The following CYP11B1 variants were observed in gnomAD, a reference collection of about 807,000 sequenced individuals.
The protein encoded by CYP11B1 is cytochrome P450 family 11 subfamily B member 1, also known as cytochrome P450 11B1, mitochondrial.
In CYP11B1, 34 loss-of-function variants were observed where a neutral mutation model predicts 48.3. That is an observed-to-expected ratio of 0.70 (90% CI 0.54 to 0.94). CYP11B1 has a LOEUF of 0.94. CYP11B1 is among the 40% of genes least tolerant of loss of function. CYP11B1 has a pLI of 0.00. For synonymous variants in CYP11B1, 291 were observed against 262.5 expected, an observed-to-expected ratio of 1.11 and a Z score of -1.05; for missense variants, 688 against 657.4, an observed-to-expected ratio of 1.05 and a Z score of -0.51.
Position 142,875,801 on chromosome 8 carries a change from G to A in CYP11B1, c.1032C>T (p.Ser344=), listed in dbSNP as rs2130270414. ...PNVQQALRQE[S]LAAAASISEH... ...CACTGATGCTGGCTGCGGCGGCCAGGCTCTCCTGGCGCAGGGCCTGCTGCA... is the reference window on the plus strand; with the variant it reads ...CACTGATGCTGGCTGCGGCGGCCAGACTCTCCTGGCGCAGGGCCTGCTGCA... The change falls in exon 6 of 9, where the codon AGC becomes AGT. Residue 344 remains serine, a synonymous_variant. Transcript: ENST00000292427. 2 of 1,614,062 alleles carry A rather than the reference G, an allele frequency of 1.2e-6. No homozygotes were observed. Among genetic ancestry groups the A allele is most frequent in the Non-Finnish European group, 1.7e-6 (2 of 1,180,002 alleles).
chr8:142,874,534 A>T (rs760503250), intron 8 of CYP11B1, 48 bp from the exon 9 acceptor site: 2 of 1,301,358 alleles, frequency 1.5e-6, no homozygotes, highest in Non-Finnish European at 2.2e-6. Flanking sequence ...CAGCCCATGC[A>T]CGTGGTGCAG....
rs75079139 is a variant in CYP11B1 at position 142,877,916 on chromosome 8, T to A, written c.396-694A>T. On this transcript the variant is annotated intron_variant, in intron 2 of 8. Coordinates refer to ENST00000292427, the MANE Select transcript of CYP11B1 (RefSeq NM_000497.4). ...GATGGCAGGCAGAAGATGCACATGC[T>A]CACATGCGCCCATGCAAGACCTCAA... 1,181 of 1,162,378 alleles carry A rather than the reference T, an allele frequency of 1.0e-3. 23 individuals carry two copies. In the South Asian group the frequency reaches 0.013, roughly 13 times the overall value. 72.0% of individuals were successfully genotyped at this position (1,162,378 alleles called of 1,614,324 possible).
intron 5 of CYP11B1, 49 bp from the exon 6 acceptor site, chr8:142,875,927 C>A (rs753900175): frequency 6.2e-7 from 1 of 1,609,428 alleles, no homozygotes; most frequent in African/African-American, 1.3e-5. Context: ...GAGGACTCAG[C>A]CCCCGGGACA....
chr8:142,878,502 G>A (rs1161856124), intron 2 of CYP11B1, among the ~76,000 whole-genome samples: 1 of 152,214 alleles, frequency 6.6e-6, no homozygotes, highest in African/African-American at 2.4e-5. Flanking sequence ...CCCACCTCGT[G>A]CCTTGCTTCT....
Position 142,879,161 on chromosome 8 carries a change from A to G in CYP11B1, c.266T>C (p.Val89Ala). ...CACGTCCTCCGGCAGCATCACACAC[A>G]CCATGCCTGCTCCTCCCAAGTCGTA... ...FRYDLGGAGMVCVMLPEDVEK... is the reference protein window; with the variant it reads ...FRYDLGGAGMACVMLPEDVEK... The change falls in exon 2 of 9, where the codon GTG becomes GCG. Residue 89 changes from valine (V) to alanine (A), a missense_variant. By Grantham distance (64) the Val-to-Ala change is moderately conservative. Transcript: ENST00000292427. The G allele has an allele frequency of 1.2e-6, 2 of 1,613,816 alleles. No homozygotes were observed. Among genetic ancestry groups the G allele is most frequent in the Non-Finnish European group, 1.7e-6 (2 of 1,179,840 alleles).
In CYP11B1 at chr8:142,879,725, C is replaced by T. The variant is rs201103987; in HGVS notation, c.89G>A (p.Arg30Gln). Reference sequence around the variant, plus strand: ...AAAGGGCAGCACTGTCCTGGGGACCCGGGCGGCTCTCGTGCCCAGTGCCTG... The same window carrying T: ...AAAGGGCAGCACTGTCCTGGGGACCTGGGCGGCTCTCGTGCCCAGTGCCTG... ...RAQALGTRAA[R>Q]VPRTVLPFEA... The change falls in exon 1 of 9, where the codon CGG (arginine) becomes CAG (glutamine). Residue 30 changes from arginine (R) to glutamine (Q), a missense_variant. By Grantham distance (43) the Arg-to-Gln change is conservative. Transcript: ENST00000292427. 1.3e-4 allele frequency: 217 copies of T among 1,614,222 alleles called. No homozygotes were observed. The East Asian group carries it at 1.9e-3, about 14-fold the overall frequency.
In CYP11B1 at chr8:142,876,299, A is replaced by T. The variant is rs387907573; in HGVS notation, c.896T>A (p.Leu299Gln). 2 of 1,614,218 alleles carry T rather than the reference A, an allele frequency of 1.2e-6. No homozygotes were observed. The highest frequency in any genetic ancestry group is 1.7e-6 in the Non-Finnish European group (2 of 1,180,042). The change falls in exon 5 of 9, where the codon CTG becomes CAG. Residue 299 changes from leucine to glutamine, a missense_variant. Transcript: ENST00000292427. ...IVAELLLNAE[L>Q]SPDAIKANSM... Reference sequence around the variant, plus strand: ...GTTGGCCTTGATGGCATCTGGCGACAGTTCCGCATTCAACAGGAGCTCCGC... The same window carrying T: ...GTTGGCCTTGATGGCATCTGGCGACTGTTCCGCATTCAACAGGAGCTCCGC...
rs375833424 is a variant in CYP11B1, at chr8:142,876,249, C to T, written c.946G>A (p.Val316Met). ...CTGGTTGCCGGCCTGACCGTGTCCA[C>T]GCTCCCTGCAGTGAGTTCCATAGAG... The part of the protein sequence containing the change: ...ANSMELTAGS[V>M]DTTVFPLLMT... Residue 316 changes from valine (V) to methionine (M), a missense_variant, in exon 5 of 9, where the codon GTG (valine) becomes ATG (methionine). Physicochemically the swap from Val to Met is conservative, Grantham distance 21. Coordinates refer to ENST00000292427, the MANE Select transcript of CYP11B1 (RefSeq NM_000497.4). The T allele has an allele frequency of 1.6e-5, 26 of 1,614,218 alleles. No individual in the cohort carries two copies. Among genetic ancestry groups the T allele is most frequent in the African/African-American group, 4.0e-5 (3 of 75,058 alleles).
chr8:142,879,661 C>G lies in CYP11B1; in HGVS notation c.153G>C (p.Arg51Ser), dbSNP rs769684367. 2.5e-6 allele frequency: 4 copies of G among 1,614,260 alleles called. No homozygotes were observed. The highest frequency in any genetic ancestry group is 2.2e-5 in the South Asian group (2 of 91,090). Reference protein sequence around the residue: ...MPRRPGNRWLRLLQIWREQGY... With the variant: ...MPRRPGNRWLSLLQIWREQGY... ...CCTGCTCCCTCCAGATCTGCAGCAGCCTCAGCCACCTGTTGCCTGGACGCC... is the reference window on the plus strand; with the variant it reads ...CCTGCTCCCTCCAGATCTGCAGCAGGCTCAGCCACCTGTTGCCTGGACGCC... The change falls in exon 1 of 9, where the codon AGG becomes AGC. Residue 51 changes from arginine to serine, a missense_variant. Physicochemically the swap from Arg to Ser is moderately radical, Grantham distance 110. Coordinates refer to ENST00000292427, the MANE Select transcript of CYP11B1 (RefSeq NM_000497.4).
chr8:142,878,827 G>A (rs1054846087), intron 2 of CYP11B1, among the ~76,000 whole-genome samples: 2 of 152,062 alleles, frequency 1.3e-5, no homozygotes, highest in Non-Finnish European at 2.9e-5. Flanking sequence ...AGAGGTGCCC[G>A]TGCCCATTTC....
chr8:142,877,374 C>T (rs1816994731), intron 2 of CYP11B1, 152 bp from the exon 3 acceptor site: 4 of 890,944 alleles, frequency 4.5e-6, no homozygotes, highest in Non-Finnish European at 7.1e-6. Context: ...CGAGCTGCAG[C>T]CTTTTCTCAG....
Position 142,879,735 on chromosome 8 carries a change from T to C in CYP11B1, c.79A>G (p.Arg27Gly). ...ACTGTCCTGGGGACCCGGGCGGCTCTCGTGCCCAGTGCCTGTGCCCTTTGC... is the reference window on the plus strand; with the variant it reads ...ACTGTCCTGGGGACCCGGGCGGCTCCCGTGCCCAGTGCCTGTGCCCTTTGC... ...SLQRAQALGT[R>G]AARVPRTVLP... is the part of the protein sequence containing the mutation. The change falls in exon 1 of 9, where the codon AGA (arginine) becomes GGA (glycine). Residue 27 changes from arginine to glycine, a missense_variant. Physicochemically the swap from Arg to Gly is moderately radical, Grantham distance 125. Transcript: ENST00000292427. 6.2e-7 allele frequency: 1 copy of C among 1,614,240 alleles called. No individual in the cohort carries two copies. Among genetic ancestry groups the C allele is most frequent in the Non-Finnish European group, 8.5e-7 (1 of 1,180,048 alleles).
chr8:142,877,135 C>T lies in CYP11B1; in HGVS notation c.483G>A (p.Val161=), dbSNP rs1309023575. 56 of 1,614,060 alleles carry T rather than the reference C, an allele frequency of 3.5e-5. No individual in the cohort carries two copies. The highest frequency in any genetic ancestry group is 4.7e-5 in the Non-Finnish European group (55 of 1,180,028). The change falls in exon 3 of 9, where the codon GTG becomes GTA. Residue 161 remains valine (V), a synonymous_variant. Transcript: ENST00000292427. ...GGGAGAAGTCCCTGGCCACTGCATCCACCATCGGGAGGAACCTCTGCACAG... is the reference window on the plus strand; with the variant it reads ...GGGAGAAGTCCCTGGCCACTGCATCTACCATCGGGAGGAACCTCTGCACAG... The part of the protein sequence containing the change: ...PNAVQRFLPM[V]DAVARDFSQA...
intron 2 of CYP11B1, 91 bp downstream of exon 2, chr8:142,878,941 A>C: frequency 1.9e-6 from 3 of 1,550,200 alleles, no homozygotes; most frequent in Non-Finnish European, 2.6e-6. Flanking sequence ...ACAGGGGCCC[A>C]GGGCAGATGT....
Position 142,874,095 on chromosome 8 carries a change from T to G in CYP11B1, c.*278A>C. 1 of 507,262 alleles carries G rather than the reference T, an allele frequency of 2.0e-6. No individual in the cohort carries two copies. The highest frequency in any genetic ancestry group is 3.6e-6 in the Non-Finnish European group (1 of 278,024). 31.4% of individuals were successfully genotyped at this position (507,262 alleles called of 1,614,324 possible). On this transcript the variant is annotated 3_prime_UTR_variant, in exon 9 of 9. Coordinates refer to ENST00000292427, the MANE Select transcript of CYP11B1 (RefSeq NM_000497.4). The stretch of plus-strand genomic sequence containing the variant: ...AGCCTGGAGCCAGCACTGGGAGGGA[T>G]GGGGGCAAACTGCCCAGAGGACAGT...
At position 142,875,225 on chromosome 8, in the gene CYP11B1, C is replaced by T. The variant is rs1230774861; in HGVS notation, c.1200+9G>A. ...GGTTCTCAGCTCGAGGGGTGTGGGG[C>T]TCACTCACCCCAGCTGGGATGTGGT... On this transcript the variant is annotated intron_variant, in intron 7 of 8. Transcript: ENST00000292427. The T allele has an allele frequency of 2.5e-6, 4 of 1,613,884 alleles. No individual in the cohort carries two copies. The highest frequency in any genetic ancestry group is 1.1e-5 in the South Asian group (1 of 91,078).
chr8:142,876,361 C>T lies in CYP11B1; in HGVS notation c.834G>A (p.Leu278=), dbSNP rs1816950299. The part of the protein sequence containing the change: ...DNCIQKIYQE[L]AFSRPQQYTS... ...TGTACTGTTGAGGGCGGCTGAAGGC[C>T]AGTTCCTGATAGATTTTCTGGATAC... Residue 278 remains leucine, a synonymous_variant, in exon 5 of 9, where the codon CTG becomes CTA. Coordinates refer to ENST00000292427, the MANE Select transcript of CYP11B1 (RefSeq NM_000497.4). 6.2e-7 allele frequency: 1 copy of T among 1,614,172 alleles called. No homozygotes were observed. Among genetic ancestry groups the T allele is most frequent in the Non-Finnish European group, 8.5e-7 (1 of 1,180,000 alleles).
chr8:142,876,839 G>T lies in CYP11B1; in HGVS notation c.642C>A (p.His214Gln). ...LFGERLGLVGHSPSSASLNFL... is the reference protein window; with the variant it reads ...LFGERLGLVGQSPSSASLNFL... ...AGTTCAGGCTGGCAGAACTGGGGCT[G>T]TGGCCAACCAGGCCCAGCCGCTCTC... The change falls in exon 4 of 9, where the codon CAC becomes CAA. Residue 214 changes from histidine (H) to glutamine (Q), a missense_variant. Transcript: ENST00000292427. 1 of 1,614,130 alleles carries T rather than the reference G, an allele frequency of 6.2e-7. No individual in the cohort carries two copies. Among genetic ancestry groups the T allele is most frequent in the Non-Finnish European group, 8.5e-7 (1 of 1,179,998 alleles).
intron 8 of CYP11B1, 36 bp downstream of exon 8, chr8:142,874,921 C>T: frequency 1.2e-6 from 2 of 1,609,792 alleles, no homozygotes; most frequent in Non-Finnish European, 1.7e-6. Context: ...CTGCCCAGAC[C>T]CCGCCCAGGC....
Sources: gnomAD v4.1 joint callset for allele counts (sites outside exome capture counted in the v4.1 genomes callset) on GRCh38, gnomAD v4.1.1 for gene constraint, MANE v1.5 for transcripts, NCBI Gene and HGNC (gene_info 2026-07-23, HGNC 2026-07-21) for gene names.